Variants in ROR1 observed in about 807,000 individuals in gnomAD.
The protein encoded by ROR1 is ROR family WNT receptor 1, also known as inactive tyrosine-protein kinase transmembrane receptor ROR1.
ROR1 carries 19 observed loss-of-function variants against 78.8 expected under a neutral mutation model. That is an observed-to-expected ratio of 0.24 (90% CI 0.17 to 0.35). The LOEUF (loss-of-function observed/expected upper bound fraction) is 0.35, where lower values mean the gene tolerates loss of function less well. ROR1 is among the 10% of genes least tolerant of loss of function. The probability of loss-of-function intolerance (pLI) is 1.00; values close to 1 mark genes in which losing one functional copy is unlikely to be tolerated. For synonymous variants in ROR1, 386 were observed against 433.6 expected (o/e 0.89, Z 1.36); for missense variants, 917 against 1,177.8 (o/e 0.78, Z 3.24).
intron 7 of ROR1, chr1:64,142,860 T>C: frequency 2.1e-6 from 3 of 1,396,794 alleles, no homozygotes; most frequent in South Asian, 1.6e-5. Context: ...ACTGCCTTTA[T>C]ACCTGCAGCC....
At chr1:63,980,851 T>C (rs2100508889) in intron 1 of ROR1, among the ~76,000 whole-genome samples, 1 of 152,350 alleles carries the variant, frequency 6.6e-6, no homozygotes, top group South Asian at 2.1e-4. Context: ...CACTTGTCTC[T>C]GGGGCTGTAC....
chr1:64,027,019 A>C (rs1557615564), intron 2 of ROR1, among the ~76,000 whole-genome samples: 1 of 152,274 alleles, frequency 6.6e-6, no homozygotes, highest in Non-Finnish European at 1.5e-5. Context: ...TTATTGTTAC[A>C]TAGATGTGTC....
chr1:63,921,415 A>C (rs1294787508), intron 1 of ROR1, among the ~76,000 whole-genome samples: 1 of 152,102 alleles, frequency 6.6e-6, no homozygotes, highest in Non-Finnish European at 1.5e-5. Flanking sequence ...AGTAAATGGC[A>C]GAGGAAATAC....
In ROR1 at chr1:63,918,163, A is replaced by G. The variant is rs1452811949; in HGVS notation, c.92-91142A>G. Among the ~76,000 whole-genome samples the G allele has an allele frequency of 2.0e-5, 3 of 152,226 alleles. No homozygotes were observed. The East Asian group carries it at 5.8e-4, about 29-fold the overall frequency. ...CCCAGATTGCGTTTGGGTGCCTGGAACAGGAGAAGTTTTAGGAATTTATGT... is the reference window on the plus strand; with the variant it reads ...CCCAGATTGCGTTTGGGTGCCTGGAGCAGGAGAAGTTTTAGGAATTTATGT... On this transcript the variant is annotated intron_variant, in intron 1 of 8. Coordinates refer to ENST00000371079, the MANE Select transcript of ROR1 (RefSeq NM_005012.4).
intron 1 of ROR1, among the ~76,000 whole-genome samples, chr1:63,793,215 C>G (rs775802387): frequency 2.6e-5 from 4 of 152,148 alleles, no homozygotes; most frequent in Non-Finnish European, 5.9e-5. Context: ...AGGAAGTTAT[C>G]CCAAACTTCA....
At chr1:64,086,003 T>C (rs1301028823) in intron 4 of ROR1, among the ~76,000 whole-genome samples, 4 of 152,162 alleles carry the variant, frequency 2.6e-5, no homozygotes, top group Non-Finnish European at 4.4e-5. Flanking sequence ...CTGGATGCCG[T>C]TATTAGTCTT....
chr1:63,906,473 C>G (rs1212147050), intron 1 of ROR1, among the ~76,000 whole-genome samples: 2 of 152,162 alleles, frequency 1.3e-5, no homozygotes, highest in Admixed American at 6.5e-5. Flanking sequence ...CAGGCCTGTT[C>G]CATGGATTTT....
intron 1 of ROR1, among the ~76,000 whole-genome samples, chr1:63,964,339 T>A (rs1347920884): frequency 6.6e-6 from 1 of 152,228 alleles, no homozygotes; most frequent in Admixed American, 6.5e-5. Context: ...GTTCAGTGTC[T>A]TGTTGGCTTC....
At chr1:63,835,621 T>C (rs1035871782) in intron 1 of ROR1, among the ~76,000 whole-genome samples, 1 of 152,230 alleles carries the variant, frequency 6.6e-6, no homozygotes, top group African/African-American at 2.4e-5. Context: ...ATCAGTCGTG[T>C]GCCAGATACT....
intron 1 of ROR1, among the ~76,000 whole-genome samples, chr1:63,977,780 G>A (rs1646173760): frequency 6.6e-6 from 1 of 152,198 alleles, no homozygotes; most frequent in Non-Finnish European, 1.5e-5. Flanking sequence ...TAGAGCCAGA[G>A]AGACACAATT....
chr1:64,127,883 C>T (rs2762843), intron 4 of ROR1, among the ~76,000 whole-genome samples: 147,922 of 152,198 alleles, frequency 0.97, 71,982 homozygotes, highest in East Asian at 1. Context: ...GACCCAAGAA[C>T]GGCCAGATGG....
rs547684808 is a variant in ROR1 at position 63,852,569 on chromosome 1, G to A, written c.91+78061G>A. ...TTTAGACTCATGCTGAGTTTGTCCA[G>A]ATGTGCCAATATTTGTCTTATATGA... On this transcript the variant is annotated intron_variant, in intron 1 of 8. Coordinates refer to ENST00000371079, the MANE Select transcript of ROR1 (RefSeq NM_005012.4). Among the ~76,000 whole-genome samples the A allele has an allele frequency of 2.0e-5, 3 of 152,316 alleles. No individual in the cohort carries two copies. The South Asian group carries it at 6.2e-4, about 32-fold the overall frequency.
chr1:63,804,944 G>A (rs1363550346), intron 1 of ROR1, among the ~76,000 whole-genome samples: 1 of 152,210 alleles, frequency 6.6e-6, no homozygotes, highest in Admixed American at 6.5e-5. Flanking sequence ...CTTGTCACTT[G>A]CTCTTCACAT....
intron 1 of ROR1, among the ~76,000 whole-genome samples, chr1:63,947,003 G>T (rs996382568): frequency 3.3e-5 from 5 of 152,018 alleles, no homozygotes; most frequent in Admixed American, 2.6e-4. Context: ...CTTCCTGCCA[G>T]TGGAGGCTAC....
intron 1 of ROR1, among the ~76,000 whole-genome samples, chr1:63,850,684 T>C (rs947270687): frequency 6.6e-6 from 1 of 152,196 alleles, no homozygotes; most frequent in African/African-American, 2.4e-5. Flanking sequence ...TCTAGCTATA[T>C]TATAGGGCAG....
intron 2 of ROR1, among the ~76,000 whole-genome samples, chr1:64,012,597 GC>G (rs1343605112): frequency 6.6e-6 from 1 of 152,182 alleles, no homozygotes; most frequent in Non-Finnish European, 1.5e-5. Flanking sequence ...GCAAACTCCT[GC>G]TGATGTTGAG....
intron 1 of ROR1, among the ~76,000 whole-genome samples, chr1:63,797,519 G>A (rs1644768715): frequency 6.6e-6 from 1 of 152,204 alleles, no homozygotes; most frequent in African/African-American, 2.4e-5. Context: ...CCATTTACAG[G>A]TGAACACATC....
At chr1:64,100,721 G>A (rs1160459039) in intron 4 of ROR1, among the ~76,000 whole-genome samples, 3 of 152,128 alleles carry the variant, frequency 2.0e-5, no homozygotes, top group East Asian at 1.9e-4. Flanking sequence ...TAGCTGAGTC[G>A]TAACAAATGT....
intron 4 of ROR1, among the ~76,000 whole-genome samples, chr1:64,098,869 G>T (rs1327554749): frequency 6.6e-6 from 1 of 152,180 alleles, no homozygotes; most frequent in African/African-American, 2.4e-5. Context: ...CCCCAACAAT[G>T]ATGAAAAATA....
Sources: gnomAD v4.1 joint callset for allele counts (sites outside exome capture counted in the v4.1 genomes callset) on GRCh38, gnomAD v4.1.1 for gene constraint, MANE v1.5 for transcripts, NCBI Gene and HGNC (gene_info 2026-07-23, HGNC 2026-07-21) for gene names.